KIF20B: variants seen among roughly 807,000 people sequenced by gnomAD.
KIF20B encodes the protein kinesin-like protein KIF20B.
In KIF20B, 188 loss-of-function variants were observed where a neutral mutation model predicts 232.5. The observed-to-expected ratio is 0.81, with a 90% CI of 0.72 to 0.91. The LOEUF (loss-of-function observed/expected upper bound fraction) is 0.91. Ranked by LOEUF, KIF20B falls within the 40% of genes least tolerant of loss-of-function variation. The probability of loss-of-function intolerance (pLI) is 0.00; values close to 1 mark genes in which losing one functional copy is unlikely to be tolerated. For synonymous variants in KIF20B, 712 were observed against 683.0 expected, an observed-to-expected ratio of 1.04 and a Z score of -0.66; for missense variants, 2,154 against 2,055.9, an observed-to-expected ratio of 1.05 and a Z score of -0.92.
intron 19 of KIF20B, among the ~76,000 whole-genome samples, chr10:89,735,395 A>C (rs906164106): frequency 1.3e-5 from 2 of 152,134 alleles, no homozygotes; most frequent in South Asian, 4.1e-4. Context: ...CTTAAAATCT[A>C]GTAGATGAGA....
chr10:89,718,737 A>G lies in KIF20B; in HGVS notation c.1299A>G (p.Glu433=), dbSNP rs1842987320. ...SKFQQHVPFR[E]SKLTHYFQSF... is the part of the protein sequence containing the mutation. The stretch of plus-strand genomic sequence containing the variant: ...TTCAACAGCATGTGCCTTTCCGGGA[A>G]AGTAAACTGACTCACTATTTTCAAA... Residue 433 remains glutamate (E), a synonymous_variant, in exon 12 of 33, where the codon GAA becomes GAG. Transcript: ENST00000371728. 1 of 1,608,806 alleles carries G rather than the reference A, an allele frequency of 6.2e-7. No homozygotes were observed. The highest frequency in any genetic ancestry group is 8.5e-7 in the Non-Finnish European group (1 of 1,178,808).
chr10:89,722,345 C>T (rs1043341718), intron 13 of KIF20B, among the ~76,000 whole-genome samples: 2 of 152,168 alleles, frequency 1.3e-5, no homozygotes, highest in African/African-American at 2.4e-5. Flanking sequence ...TTATCAGATG[C>T]TAACAATGAT....
chr10:89,731,544 A>G (rs993901813), intron 18 of KIF20B, among the ~76,000 whole-genome samples: 33 of 152,198 alleles, frequency 2.2e-4, no homozygotes, highest in African/African-American at 7.7e-4. Context: ...CAATAATGAA[A>G]AAATTTAGTT....
rs115629612 is a variant in KIF20B, at chr10:89,722,224, A to G, written c.1723-1740A>G. On this transcript the variant is annotated intron_variant, in intron 13 of 32. Coordinates refer to ENST00000371728, the MANE Select transcript of KIF20B (RefSeq NM_001284259.2). Reference sequence around the variant, plus strand: ...TGCCCAGCCCTTTCTTGACATTTTAATTAAAGGATTGGGACTTTTAAAAAC... The same window carrying G: ...TGCCCAGCCCTTTCTTGACATTTTAGTTAAAGGATTGGGACTTTTAAAAAC... Among the ~76,000 whole-genome samples the G allele has an allele frequency of 3.0e-3, 460 of 152,306 alleles. 3 individuals are homozygous for G. Among genetic ancestry groups the G allele is most frequent in the African/African-American group, 0.01 (429 of 41,576 alleles).
At position 89,726,382 on chromosome 10, in the gene KIF20B, C is replaced by T. The variant is rs1843186971; in HGVS notation, c.2091C>T (p.His697=). 1 of 1,570,864 alleles carries T rather than the reference C, an allele frequency of 6.4e-7. No homozygotes were observed. The highest frequency in any genetic ancestry group is 1.8e-5 in the Admixed American group (1 of 55,114). ...ADIKKQAEIA[H]LYIASLPDPQ... ...TTAAGAAACAGGCTGAAATTGCTCACTTATATATTGCATCTCTTCCTGACC... is the reference window on the plus strand; with the variant it reads ...TTAAGAAACAGGCTGAAATTGCTCATTTATATATTGCATCTCTTCCTGACC... The change falls in exon 16 of 33, where the codon CAC becomes CAT. Residue 697 remains histidine (H), a synonymous_variant. Coordinates refer to ENST00000371728, the MANE Select transcript of KIF20B (RefSeq NM_001284259.2).
chr10:89,769,102 T>G (rs964978912), intron 31 of KIF20B, among the ~76,000 whole-genome samples: 2 of 151,978 alleles, frequency 1.3e-5, no homozygotes, highest in African/African-American at 4.8e-5. Context: ...TTTAAGTAAC[T>G]GATCCAGAGC....
intron 31 of KIF20B, among the ~76,000 whole-genome samples, chr10:89,772,039 G>GT (rs1172487124): frequency 1.4e-5 from 2 of 139,472 alleles, no homozygotes; most frequent in East Asian, 4.2e-4. Flanking sequence ...TGCCTTAAAT[G>GT]TTTTTTCTAT....
chr10:89,727,384 AGCT>A, intron 16 of KIF20B, among the ~76,000 whole-genome samples: 1 of 152,134 alleles, frequency 6.6e-6, no homozygotes, highest in East Asian at 1.9e-4. Flanking sequence ...TCTCCTGAGT[AGCT>A]TGGACTACAG....
intron 29 of KIF20B, 119 bp from the exon 30 acceptor site, chr10:89,768,171 C>T: frequency 1.5e-6 from 1 of 657,394 alleles, no homozygotes; most frequent in Non-Finnish European, 2.6e-6. Context: ...CAAAATTGCC[C>T]TCGGTTAAGA....
rs1160980326 is a variant in KIF20B at position 89,719,427 on chromosome 10, C to A, written c.1443C>A (p.Val481=). ...ATTGAATATTTTAACAGGTTTGTGT[C>A]CCAGACACTTTAAATTCCTCTCAAG... is the stretch of plus-strand genomic sequence containing the variant. ...KFSAIAQKVC[V]PDTLNSSQEK... is the part of the protein sequence containing the mutation. Residue 481 remains valine (V), a synonymous_variant, in exon 13 of 33, where the codon GTC becomes GTA. Coordinates refer to ENST00000371728, the MANE Select transcript of KIF20B (RefSeq NM_001284259.2). 2 of 1,577,338 alleles carry A rather than the reference C, an allele frequency of 1.3e-6. No homozygotes were observed. The highest frequency in any genetic ancestry group is 1.2e-5 in the South Asian group (1 of 84,972).
intron 6 of KIF20B, among the ~76,000 whole-genome samples, chr10:89,713,494 T>C (rs1235876230): frequency 6.6e-6 from 1 of 152,092 alleles, no homozygotes. Flanking sequence ...AGAAAGCAAA[T>C]TGGCAATAGT....
chr10:89,772,865 A>T (rs751919943), intron 32 of KIF20B, 34 bp downstream of exon 32: 1 of 1,549,726 alleles, frequency 6.5e-7, no homozygotes, highest in East Asian at 2.3e-5. Context: ...TCAATGTAGA[A>T]CTGTTCGTGT....
intron 2 of KIF20B, among the ~76,000 whole-genome samples, chr10:89,706,149 T>C (rs1287351436): frequency 2.6e-5 from 4 of 152,190 alleles, no homozygotes; most frequent in Non-Finnish European, 5.9e-5. Flanking sequence ...TTCTACCTCT[T>C]TGCTAACACT....
At chr10:89,702,049 C>T (rs1842622634) in intron 1 of KIF20B, among the ~76,000 whole-genome samples, 1 of 152,202 alleles carries the variant, frequency 6.6e-6, no homozygotes, top group African/African-American at 2.4e-5. Flanking sequence ...GTTATTAGTG[C>T]TGGCACACAG....
Position 89,773,722 on chromosome 10 carries a change from C to T in KIF20B, c.5386-249C>T, listed in dbSNP as rs533585044. On this transcript the variant is annotated intron_variant, in intron 32 of 32. Transcript: ENST00000371728. ...TTTTAGTAATTATTTTAAGTTATAT[C>T]TGCCTTGAATTCAATATGGAGTCTA... Among the ~76,000 whole-genome samples, 4 of 152,070 alleles carry T rather than the reference C, an allele frequency of 2.6e-5. No homozygotes were observed. The South Asian group carries it at 8.3e-4, about 32-fold the overall frequency.
intron 26 of KIF20B, 100 bp downstream of exon 26, chr10:89,754,773 GT>G: frequency 1.1e-6 from 1 of 892,866 alleles, no homozygotes; most frequent in Non-Finnish European, 1.6e-6. Flanking sequence ...TCTGTTTTTG[GT>G]TTTTTAAAGG....
Position 89,746,144 on chromosome 10 carries a change from C to T in KIF20B, c.4096+185C>T, listed in dbSNP as rs148890693. On this transcript the variant is annotated intron_variant, in intron 23 of 32. Coordinates refer to ENST00000371728, the MANE Select transcript of KIF20B (RefSeq NM_001284259.2). Reference sequence around the variant, plus strand: ...GGCAGCATCTGGGGTTGAGTGTTTACAGCTCCTGAAGGCCCCAGTGGGCGT... The same window carrying T: ...GGCAGCATCTGGGGTTGAGTGTTTATAGCTCCTGAAGGCCCCAGTGGGCGT... 3.8e-3 allele frequency among the ~76,000 whole-genome samples: 582 copies of T among 152,344 alleles called. 5 individuals carry two copies. Among genetic ancestry groups the T allele is most frequent in the African/African-American group, 0.013 (551 of 41,576 alleles).
chr10:89,714,138 GAAAAGCTTTTAATT>G (rs904035830), intron 7 of KIF20B, 55 bp downstream of exon 7: 4 of 991,722 alleles, frequency 4.0e-6, no homozygotes, highest in Non-Finnish European at 5.8e-6. Context: ...AAGTACACTT[GAAAAGCTTTTAATT>G]TTTAAATCAC....
chr10:89,731,732 A>G (rs1179425802), intron 18 of KIF20B, among the ~76,000 whole-genome samples: 1 of 152,130 alleles, frequency 6.6e-6, no homozygotes, highest in African/African-American at 2.4e-5. Context: ...TGGACTTGTT[A>G]TGGAGCTGTG....
Sources: allele counts gnomAD v4.1 joint callset (sites outside exome capture counted in the v4.1 genomes callset), GRCh38; gene constraint gnomAD v4.1.1; transcripts MANE v1.5; gene names NCBI Gene and HGNC (gene_info 2026-07-23, HGNC 2026-07-21).